GATAD2B: variants seen among roughly 807,000 people sequenced by gnomAD.
The protein encoded by GATAD2B is transcriptional repressor p66-beta.
Under a neutral mutation model 64.3 loss-of-function variants are expected in GATAD2B, and 8 were observed. That is an observed-to-expected ratio of 0.12 (90% CI 0.07 to 0.22). The LOEUF is 0.22. Ranked by LOEUF, GATAD2B falls within the 10% of genes least tolerant of loss-of-function variation. The pLI is 1.00. For synonymous variants in GATAD2B, 281 were observed against 271.3 expected (o/e 1.04, Z -0.35); for missense variants, 453 against 752.0 (o/e 0.60, Z 4.65).
intron 1 of GATAD2B, among the ~76,000 whole-genome samples, chr1:153,867,147 A>C (rs2101926215): frequency 6.6e-6 from 1 of 152,284 alleles, no homozygotes; most frequent in Admixed American, 6.5e-5. Context: ...AAGGGTATGG[A>C]CAAGGGCTTG....
intron 1 of GATAD2B, among the ~76,000 whole-genome samples, chr1:153,872,732 T>C (rs1676710488): frequency 6.6e-6 from 1 of 152,202 alleles, no homozygotes; most frequent in Admixed American, 6.5e-5. Flanking sequence ...CGTACTTTGT[T>C]GGTTATTCTT....
At chr1:153,892,078 T>C (rs1677427190) in intron 1 of GATAD2B, among the ~76,000 whole-genome samples, 1 of 150,222 alleles carries the variant, frequency 6.7e-6, no homozygotes, top group African/African-American at 2.4e-5. Flanking sequence ...GGCAGGAGAA[T>C]TGCTTAAACC....
chr1:153,841,124 C>CAAAAAAAAA (rs941317761), intron 1 of GATAD2B, among the ~76,000 whole-genome samples: 12 of 77,338 alleles, frequency 1.6e-4, no homozygotes, highest in East Asian at 3.4e-4. Flanking sequence ...GACTCCGTCT[C>CAAAAAAAAA]AAAAAAAAAA....
intron 1 of GATAD2B, among the ~76,000 whole-genome samples, chr1:153,849,335 G>A (rs1475136766): frequency 6.6e-6 from 1 of 152,134 alleles, no homozygotes; most frequent in Non-Finnish European, 1.5e-5. Flanking sequence ...TGAGGGTAAA[G>A]CCCTAACAAC....
chr1:153,902,772 T>C (rs763711498), intron 1 of GATAD2B, among the ~76,000 whole-genome samples: 3 of 152,208 alleles, frequency 2.0e-5, no homozygotes, highest in Non-Finnish European at 2.9e-5. Flanking sequence ...TTTTAATACA[T>C]GTAGTCTTTA....
At chr1:153,871,912 T>G (rs1438556085) in intron 1 of GATAD2B, among the ~76,000 whole-genome samples, 1 of 152,160 alleles carries the variant, frequency 6.6e-6, no homozygotes, top group East Asian at 1.9e-4. Context: ...ATCGTGTCAC[T>G]GCACTCCAGC....
intron 1 of GATAD2B, among the ~76,000 whole-genome samples, chr1:153,901,603 T>A (rs1057006601): frequency 1.3e-5 from 2 of 151,802 alleles, no homozygotes; most frequent in African/African-American, 4.8e-5. Context: ...GGCAGGTGGA[T>A]CATCTGAGGT....
chr1:153,852,189 T>C lies in GATAD2B; in HGVS notation c.-1-23841A>G, dbSNP rs112460670. On this transcript the variant is annotated intron_variant, in intron 1 of 10. Transcript: ENST00000368655. ...CCTAAGCATTCTGAGACTCAGTCAG[T>C]TGAGGGTGAAAGGGACCTACCAGCC... The C allele has an allele frequency of 1.9e-5, 17 of 913,594 alleles. 1 individual carries two copies. The highest frequency in any genetic ancestry group is 2.4e-4 in the Middle Eastern group (1 of 4,172). The allele number at this position is 913,594 out of a possible 1,614,324, so 56.6% of individuals were successfully genotyped here. A position where few individuals can be genotyped will look rare whatever the true frequency, so the allele number is the denominator to read the frequency against.
chr1:153,896,553 C>A (rs1677600358), intron 1 of GATAD2B, among the ~76,000 whole-genome samples: 2 of 151,522 alleles, frequency 1.3e-5, no homozygotes, highest in African/African-American at 4.9e-5. Flanking sequence ...TCTCCTGCCT[C>A]AGCCTCCTGA....
chr1:153,858,618 C>T (rs573283877), intron 1 of GATAD2B, among the ~76,000 whole-genome samples: 5 of 152,066 alleles, frequency 3.3e-5, no homozygotes, highest in South Asian at 2.1e-4. Context: ...AACAAAGCCC[C>T]GGCTACTCAG....
chr1:153,898,449 G>T (rs192538332), intron 1 of GATAD2B, among the ~76,000 whole-genome samples: 10 of 152,186 alleles, frequency 6.6e-5, no homozygotes, highest in Admixed American at 6.6e-4. Context: ...ATCTTGGCTG[G>T]GCACAGTGGC....
chr1:153,858,560 A>G (rs1273165542), intron 1 of GATAD2B, among the ~76,000 whole-genome samples: 1 of 152,042 alleles, frequency 6.6e-6, no homozygotes, highest in Non-Finnish European at 1.5e-5. Flanking sequence ...AGCCGAGATC[A>G]TGCCATTGCA....
chr1:153,918,036 G>GC (rs1428369329), intron 1 of GATAD2B, among the ~76,000 whole-genome samples: 5 of 152,156 alleles, frequency 3.3e-5, no homozygotes, highest in Non-Finnish European at 7.3e-5. Flanking sequence ...GGAATCACTT[G>GC]GTCTTAGGAA....
intron 1 of GATAD2B, among the ~76,000 whole-genome samples, chr1:153,870,576 A>G (rs1676630536): frequency 6.6e-6 from 1 of 152,192 alleles, no homozygotes. Context: ...CCGTCTCAAA[A>G]AAAAGGAAAA....
At chr1:153,898,582 T>G (rs757668814) in intron 1 of GATAD2B, among the ~76,000 whole-genome samples, 47 of 151,596 alleles carry the variant, frequency 3.1e-4, no homozygotes, top group Non-Finnish European at 6.6e-4. Context: ...AAAAAAAAAA[T>G]TAGCCAGGTG....
chr1:153,912,359 A>T (rs1481289013), intron 1 of GATAD2B, among the ~76,000 whole-genome samples: 3 of 152,080 alleles, frequency 2.0e-5, no homozygotes, highest in Non-Finnish European at 4.4e-5. Context: ...AATAAGCAAA[A>T]CTTTCAAATT....
At position 153,818,903 on chromosome 1, in the gene GATAD2B, C is replaced by G. The variant is rs1159333000; in HGVS notation, c.485G>C (p.Arg162Pro). ...EMFKGKGIEE[R>P]QQLIKQLRDE... is the part of the protein sequence containing the mutation. ...CCTCAGCTGCTTGATAAGCTGCTGC[C>G]GCTCCTCAATGCCTTTCCCCTAAGG... Residue 162 changes from arginine (R) to proline (P), a missense_variant, in exon 4 of 11, where the codon CGG becomes CCG. Arg to Pro is a moderately radical substitution (Grantham distance 103). This residue lies in a region of GATAD2B where 293 missense variants were observed against 417.2 expected (regional missense o/e 0.70). Transcript: ENST00000368655. The G allele has an allele frequency of 6.2e-7, 1 of 1,611,320 alleles. No individual in the cohort carries two copies. The highest frequency in any genetic ancestry group is 1.7e-5 in the Admixed American group (1 of 59,982).
intron 2 of GATAD2B, among the ~76,000 whole-genome samples, chr1:153,823,114 CTAG>C (rs1674740027): frequency 6.6e-6 from 1 of 152,186 alleles, no homozygotes; most frequent in South Asian, 2.1e-4. Context: ...AACTAATGAA[CTAG>C]GATTCTGGCC....
chr1:153,840,670 T>C lies in GATAD2B; in HGVS notation c.-1-12322A>G, dbSNP rs189857954. Among the ~76,000 whole-genome samples, 5 of 152,276 alleles carry C rather than the reference T, an allele frequency of 3.3e-5. No homozygotes were observed. In the East Asian group the frequency reaches 9.7e-4, roughly 29 times the overall value. ...ATTCTTAAAAAAATACTTTCATAAG[T>C]TCTAGTTTATCTTTTTAAAATCTAA... On this transcript the variant is annotated intron_variant, in intron 1 of 10. Transcript: ENST00000368655.
Sources: gnomAD v4.1 joint callset for allele counts (sites outside exome capture counted in the v4.1 genomes callset) on GRCh38, gnomAD v4.1.1 for gene constraint, gnomAD v4.1.1 regional missense constraint, MANE v1.5 for transcripts, NCBI Gene and HGNC (gene_info 2026-07-23, HGNC 2026-07-21) for gene names.